Variants in GRK4 observed in about 807,000 individuals in gnomAD.
The protein encoded by GRK4 is G protein-coupled receptor kinase 2-like.
In GRK4, 73 loss-of-function variants were observed where a neutral mutation model predicts 77.9. That is an observed-to-expected ratio of 0.94 (90% confidence interval 0.78 to 1.14). The LOEUF (loss-of-function observed/expected upper bound fraction) is 1.14. Ranked by LOEUF, GRK4 falls within the 50% of genes most tolerant of loss-of-function variation. The probability of loss-of-function intolerance (pLI) is 0.00; values close to 1 mark genes in which losing one functional copy is unlikely to be tolerated. For missense variants in GRK4, 729 were observed against 700.2 expected (o/e 1.04, Z -0.46); for synonymous variants, 257 against 254.4 (o/e 1.01, Z -0.10).
intron 4 of GRK4, among the ~76,000 whole-genome samples, chr4:3,000,054 A>T (rs1463019852): frequency 6.6e-6 from 1 of 152,180 alleles, no homozygotes; most frequent in Non-Finnish European, 1.5e-5. Context: ...TTCCTATTAG[A>T]ATTTCCTCTG....
chr4:2,988,820 T>C lies in GRK4; in HGVS notation c.242T>C (p.Ile81Thr), dbSNP rs775718373. ...ACCAAACCCACTCTAAAGAGGCACATTGAATTCTTGGATGCAGTGGTGAGC... is the reference window on the plus strand; with the variant it reads ...ACCAAACCCACTCTAAAGAGGCACACTGAATTCTTGGATGCAGTGGTGAGC... Reference protein sequence around the residue: ...CDTKPTLKRHIEFLDAVAEYE... With the variant: ...CDTKPTLKRHTEFLDAVAEYE... The change falls in exon 3 of 16, where the codon ATT (isoleucine) becomes ACT (threonine). Residue 81 changes from isoleucine to threonine, a missense_variant. Physicochemically the swap from Ile to Thr is moderately conservative, Grantham distance 89. Transcript: ENST00000398052. 6.9e-6 allele frequency: 11 copies of C among 1,604,582 alleles called. No individual in the cohort carries two copies. Among genetic ancestry groups the C allele is most frequent in the Middle Eastern group, 1.6e-4 (1 of 6,064 alleles).
At position 3,001,196 on chromosome 4, in the gene GRK4, T is replaced by C. The variant is rs1286256823; in HGVS notation, c.340-3035T>C. ...ATATATGTGTATGTGTATATATATG[T>C]ATATATGTGTATGTGTATATATATG... is the stretch of plus-strand genomic sequence containing the variant. On this transcript the variant is annotated intron_variant, in intron 4 of 15. Coordinates refer to ENST00000398052, the MANE Select transcript of GRK4 (RefSeq NM_182982.3). 1.0e-4 allele frequency among the ~76,000 whole-genome samples: 13 copies of C among 129,462 alleles called. 1 individual carries two copies. Among genetic ancestry groups the C allele is most frequent in the African/African-American group, 3.0e-4 (10 of 33,588 alleles). The allele number at this position is 129,462 out of a possible 152,430, so 84.9% of individuals were successfully genotyped here.
intron 10 of GRK4, 77 bp from the exon 11 acceptor site, chr4:3,027,834 CT>C (rs1016896956): frequency 1.1e-4 from 130 of 1,220,646 alleles, no homozygotes; most frequent in Middle Eastern, 2.0e-4. Flanking sequence ...TTTGAGGGGC[CT>C]TTTTTCCCAT....
intron 2 of GRK4, chr4:2,987,188 A>G (rs1357083256): frequency 2.0e-6 from 1 of 505,018 alleles, no homozygotes; most frequent in Non-Finnish European, 3.9e-6. Context: ...TGTTCCAGAC[A>G]TTTCATATAA....
rs776252194 is a variant in GRK4 at position 3,035,352 on chromosome 4, A to G, written c.1270-34A>G. The G allele has an allele frequency of 2.2e-5, 36 of 1,612,686 alleles. No individual in the cohort carries two copies. The East Asian group carries it at 4.0e-4, about 18-fold the overall frequency. ...GTTTTGAGTTTTCATTTTTATCCAG[A>G]GGCTCAAGTGGGTTGCATTTCTGCC... On this transcript the variant is annotated intron_variant, in intron 12 of 15. Coordinates refer to ENST00000398052, the MANE Select transcript of GRK4 (RefSeq NM_182982.3).
chr4:2,988,075 C>CAAAAAAAAAAAA (rs67664476), intron 2 of GRK4, among the ~76,000 whole-genome samples: 54 of 33,646 alleles, frequency 1.6e-3, no homozygotes, highest in South Asian at 3.3e-3. Flanking sequence ...GGCTCTGTCT[C>CAAAAAAAAAAAA]AAAAAAAAAA....
intron 4 of GRK4, among the ~76,000 whole-genome samples, chr4:3,001,089 A>ATATATATATATATATATATATATATGTG: frequency 1.2e-5 from 1 of 82,432 alleles, no homozygotes; most frequent in African/African-American, 5.8e-5. Flanking sequence ...ATATATATAT[A>ATATATATATATATATATATATATATGTG]TGTGTGTGTG....
At chr4:3,000,961 G>T (rs1167419848) in intron 4 of GRK4, among the ~76,000 whole-genome samples, 2 of 151,650 alleles carry the variant, frequency 1.3e-5, no homozygotes, top group Non-Finnish European at 2.9e-5. Flanking sequence ...GAGTCCAGCA[G>T]GGTGTGTGTG....
Position 2,992,220 on chromosome 4 carries a change from A to T in GRK4, c.267A>T (p.Glu89Asp). Residue 89 changes from glutamate to aspartate, a missense_variant, in exon 4 of 16, where the codon GAA becomes GAT. Coordinates refer to ENST00000398052, the MANE Select transcript of GRK4 (RefSeq NM_182982.3). The part of the protein sequence containing the change: ...RHIEFLDAVA[E>D]YEVADDEDRS... ...TCTTCCATCTCTCCAATCAGGCAGA[A>T]TATGAAGTTGCCGATGATGAGGACC... 6.2e-7 allele frequency: 1 copy of T among 1,607,522 alleles called. No individual in the cohort carries two copies. The highest frequency in any genetic ancestry group is 8.5e-7 in the Non-Finnish European group (1 of 1,174,266).
Position 2,963,907 on chromosome 4 carries a change from G to T in GRK4, c.-164G>T. 1 of 692,836 alleles carries T rather than the reference G, an allele frequency of 1.4e-6. No homozygotes were observed. The highest frequency in any genetic ancestry group is 2.5e-6 in the Non-Finnish European group (1 of 397,318). The allele number at this position is 692,836 out of a possible 1,614,324, so 42.9% of individuals were successfully genotyped here. A position where few individuals can be genotyped will look rare whatever the true frequency, so the allele number is the denominator to read the frequency against. Reference sequence around the variant, plus strand: ...CGGAGGCGGCGGCGGCGGCGCCCTTGGTGGCAGTGGTGGCGGCGGAGCAGC... The same window carrying T: ...CGGAGGCGGCGGCGGCGGCGCCCTTTGTGGCAGTGGTGGCGGCGGAGCAGC... On this transcript the variant is annotated 5_prime_UTR_variant, in exon 1 of 16. Coordinates refer to ENST00000398052, the MANE Select transcript of GRK4 (RefSeq NM_182982.3).
At chr4:3,002,674 G>A (rs1401452179) in intron 4 of GRK4, among the ~76,000 whole-genome samples, 2 of 152,032 alleles carry the variant, frequency 1.3e-5, no homozygotes, top group Non-Finnish European at 2.9e-5. Context: ...CTGCACTCCA[G>A]CCTGGACCAC....
At chr4:2,968,252 CAG>C (rs1718389902) in intron 1 of GRK4, among the ~76,000 whole-genome samples, 2 of 152,146 alleles carry the variant, frequency 1.3e-5, no homozygotes, top group Non-Finnish European at 2.9e-5. Flanking sequence ...AAAACAAATG[CAG>C]AGAGGAATAC....
At position 3,029,200 on chromosome 4, in the gene GRK4, G is replaced by A. The variant is rs1292486044; in HGVS notation, c.1061-1G>A. 1 of 1,604,330 alleles carries A rather than the reference G, an allele frequency of 6.2e-7. No individual in the cohort carries two copies. Among genetic ancestry groups the A allele is most frequent in the South Asian group, 1.1e-5 (1 of 89,740 alleles). On this transcript the variant is annotated splice_acceptor_variant, in intron 11 of 15. Coordinates refer to ENST00000398052, the MANE Select transcript of GRK4 (RefSeq NM_182982.3). LOFTEE classifies it high-confidence loss of function. ...TTCCATTTCCTGTATTTGTTATGTA[G>A]CACCTGAAGTTGTCAATAATGAAAA...
At chr4:3,013,423 G>T (rs574548300) in intron 7 of GRK4, among the ~76,000 whole-genome samples, 1 of 152,124 alleles carries the variant, frequency 6.6e-6, no homozygotes, top group Non-Finnish European at 1.5e-5. Flanking sequence ...CACATATGGG[G>T]ACATTTAAAA....
chr4:3,003,639 G>C (rs1730473202), intron 4 of GRK4, among the ~76,000 whole-genome samples: 1 of 152,152 alleles, frequency 6.6e-6, no homozygotes, highest in African/African-American at 2.4e-5. Flanking sequence ...AGACACCTGG[G>C]TTGTTTTTTG....
chr4:3,004,162 A>G (rs1730633124), intron 4 of GRK4, 69 bp from the exon 5 acceptor site: 1 of 1,116,930 alleles, frequency 9.0e-7, no homozygotes, highest in Non-Finnish European at 1.3e-6. Flanking sequence ...TACAATAAGC[A>G]TTAGGTTCTG....
chr4:3,011,540 C>T (rs1374769087), intron 7 of GRK4, among the ~76,000 whole-genome samples: 3 of 152,152 alleles, frequency 2.0e-5, no homozygotes, highest in African/African-American at 7.2e-5. Flanking sequence ...ATTGGCTGCA[C>T]GAATAAAGCA....
At position 2,984,533 on chromosome 4, in the gene GRK4, G is replaced by A. The variant is rs1340017261; in HGVS notation, c.73G>A (p.Gly25Ser). 1.2e-6 allele frequency: 2 copies of A among 1,612,348 alleles called. No homozygotes were observed. Among genetic ancestry groups the A allele is most frequent in the South Asian group, 2.2e-5 (2 of 90,880 alleles). Reference protein sequence around the residue: ...ARQGGYGKKSGRSKKWKEILT... With the variant: ...ARQGGYGKKSSRSKKWKEILT... ...TTCAGGAGGATATGGCAAAAAAAGT[G>A]GTCGTAGTAAAAAATGGAAGGAGAT... The change falls in exon 2 of 16, where the codon GGT becomes AGT. Residue 25 changes from glycine to serine, a missense_variant. Transcript: ENST00000398052.
At chr4:2,994,394 A>G (rs1252888038) in intron 4 of GRK4, among the ~76,000 whole-genome samples, 1 of 152,150 alleles carries the variant, frequency 6.6e-6, no homozygotes, top group East Asian at 1.9e-4. Context: ...TATTTTTAGT[A>G]CAGACGGGGT....
Sources: gnomAD v4.1 joint callset for allele counts (sites outside exome capture counted in the v4.1 genomes callset) on GRCh38, gnomAD v4.1.1 for gene constraint, MANE v1.5 for transcripts, NCBI Gene and HGNC (gene_info 2026-07-23, HGNC 2026-07-21) for gene names.